Variants in C12orf42 observed in about 807,000 individuals in gnomAD.
C12orf42 encodes uncharacterized protein C12orf42.
Under a neutral mutation model 21.6 loss-of-function variants are expected in C12orf42, and 25 were observed. The observed-to-expected ratio is 1.16, with a 90% CI of 0.84 to 1.62. The LOEUF (loss-of-function observed/expected upper bound fraction) is 1.62. C12orf42 is among the 40% of genes most tolerant of loss of function. The probability of loss-of-function intolerance (pLI) is 0.00; values close to 1 mark genes in which losing one functional copy is unlikely to be tolerated. For missense variants in C12orf42, 483 were observed against 459.3 expected, an observed-to-expected ratio of 1.05 and a Z score of -0.47; for synonymous variants, 174 against 175.0, an observed-to-expected ratio of 0.99 and a Z score of 0.05.
intron 4 of C12orf42, among the ~76,000 whole-genome samples, chr12:103,284,063 A>T (rs1038807182): frequency 3.3e-5 from 5 of 152,186 alleles, no homozygotes; most frequent in African/African-American, 1.2e-4. Flanking sequence ...TCTTGTCAAT[A>T]ACTTGTGATA....
chr12:103,060,228 T>A, the C12orf42 span, among the ~76,000 whole-genome samples: 1 of 152,238 alleles, frequency 6.6e-6, no homozygotes, highest in Non-Finnish European at 1.5e-5. Flanking sequence ...CTATTCACAA[T>A]TGCTACAAAG....
intron 3 of C12orf42, among the ~76,000 whole-genome samples, chr12:103,383,647 G>T (rs752120596): frequency 1.3e-5 from 2 of 152,148 alleles, no homozygotes; most frequent in Admixed American, 6.5e-5. Flanking sequence ...TTGAAAATCA[G>T]TGAATAAGTA....
chr12:103,532,537 GA>G, the C12orf42 span, among the ~76,000 whole-genome samples: 36 of 149,396 alleles, frequency 2.4e-4, no homozygotes, highest in Admixed American at 4.7e-4. Flanking sequence ...GTGCCATCTG[GA>G]AAAAAAAACA....
chr12:103,313,762 AC>A (rs1162768599), intron 4 of C12orf42, among the ~76,000 whole-genome samples: 2 of 152,112 alleles, frequency 1.3e-5, no homozygotes, highest in African/African-American at 4.8e-5. Flanking sequence ...GGTGGCAAGG[AC>A]TCAAGTAGAA....
At chr12:103,389,447 C>G (rs1039227104) in intron 3 of C12orf42, among the ~76,000 whole-genome samples, 1 of 152,176 alleles carries the variant, frequency 6.6e-6, no homozygotes, top group Admixed American at 6.5e-5. Context: ...TCTTTTCCTT[C>G]TAGAAGTCAA....
At chr12:103,547,484 A>G in the C12orf42 span, among the ~76,000 whole-genome samples, 1 of 152,260 alleles carries the variant, frequency 6.6e-6, no homozygotes, top group Non-Finnish European at 1.5e-5. Context: ...TGGAAATTCC[A>G]TCCAACTCAG....
At chr12:103,436,558 T>A (rs1950733302) in intron 2 of C12orf42, among the ~76,000 whole-genome samples, 1 of 149,962 alleles carries the variant, frequency 6.7e-6, no homozygotes. Context: ...TGGAGGAAGA[T>A]CTACCAAGCA....
chr12:103,156,156 A>G, the C12orf42 span: 2 of 152,162 alleles, frequency 1.3e-5, no homozygotes, highest in East Asian at 3.8e-4. Flanking sequence ...TCTTTGAATC[A>G]GTTTGAATGT....
chr12:103,050,415 T>C, the C12orf42 span, among the ~76,000 whole-genome samples: 1 of 152,154 alleles, frequency 6.6e-6, no homozygotes, highest in Non-Finnish European at 1.5e-5. Flanking sequence ...AAACAGACAC[T>C]GGGACAGACA....
At chr12:103,118,755 G>A in the C12orf42 span, among the ~76,000 whole-genome samples, 14 of 118,868 alleles carry the variant, frequency 1.2e-4, no homozygotes, top group East Asian at 7.3e-4. Flanking sequence ...CTGAGATTGC[G>A]CCATTGCACT....
At chr12:103,098,123 C>G in the C12orf42 span, among the ~76,000 whole-genome samples, 1 of 152,210 alleles carries the variant, frequency 6.6e-6, no homozygotes, top group Non-Finnish European at 1.5e-5. Flanking sequence ...AAGGAAATTT[C>G]TATCTGCAAC....
chr12:103,375,117 A>G (rs1357208892), intron 3 of C12orf42, among the ~76,000 whole-genome samples: 1 of 152,206 alleles, frequency 6.6e-6, no homozygotes, highest in Non-Finnish European at 1.5e-5. Context: ...CAAGACCTCC[A>G]TGGAATTGCT....
the C12orf42 span, among the ~76,000 whole-genome samples, chr12:103,157,408 TC>T: frequency 1.3e-5 from 2 of 152,196 alleles, no homozygotes; most frequent in Non-Finnish European, 2.9e-5. Flanking sequence ...AAAATTTTTC[TC>T]CCATTCTGTA....
chr12:103,217,089 C>T, the C12orf42 span, among the ~76,000 whole-genome samples: 12 of 152,250 alleles, frequency 7.9e-5, no homozygotes, highest in Middle Eastern at 0.01. Flanking sequence ...GTGATCTCCC[C>T]GCCTCGACCT....
At chr12:103,255,360 C>T (rs914054306) in intron 10 of C12orf42, among the ~76,000 whole-genome samples, 5 of 152,016 alleles carry the variant, frequency 3.3e-5, no homozygotes, top group Non-Finnish European at 4.4e-5. Context: ...GACAGAGCAA[C>T]ACTCCGTCTC....
chr12:103,399,250 T>C (rs1345815121), intron 3 of C12orf42, among the ~76,000 whole-genome samples: 1 of 151,962 alleles, frequency 6.6e-6, no homozygotes, highest in Non-Finnish European at 1.5e-5. Flanking sequence ...TTTATTGCTT[T>C]GAACCCCGAG....
chr12:103,111,963 A>G, the C12orf42 span, among the ~76,000 whole-genome samples: 3 of 152,232 alleles, frequency 2.0e-5, no homozygotes, highest in Admixed American at 6.5e-5. Context: ...CTGACATTCC[A>G]TGGAAGGATT....
rs1053015237 is a variant in C12orf42, at chr12:103,295,459, T to C, written n.338-18249A>G. Reference sequence around the variant, plus strand: ...ACTTGCTTTGAATAAGACATTGTACTGTAATCTTTGCGAGCATGAGTGATG... The same window carrying C: ...ACTTGCTTTGAATAAGACATTGTACCGTAATCTTTGCGAGCATGAGTGATG... On this transcript the variant is annotated intron_variant and non_coding_transcript_variant, in intron 4 of 6. Coordinates refer to the C12orf42 transcript ENST00000546526. 5.3e-5 allele frequency among the ~76,000 whole-genome samples: 8 copies of C among 152,164 alleles called. No individual in the cohort carries two copies. In the East Asian group the frequency reaches 1.5e-3, roughly 29 times the overall value.
the C12orf42 span, among the ~76,000 whole-genome samples, chr12:103,139,950 C>T: frequency 1.3e-5 from 2 of 152,164 alleles, no homozygotes; most frequent in Non-Finnish European, 2.9e-5. Flanking sequence ...CAAATAACTA[C>T]CACCCCATCT....
Sources: gnomAD v4.1 joint callset for allele counts (sites outside exome capture counted in the v4.1 genomes callset) on GRCh38, gnomAD v4.1.1 for gene constraint, MANE v1.5 for transcripts, NCBI Gene and HGNC (gene_info 2026-07-23, HGNC 2026-07-21) for gene names.